Variants in THSD7B observed in about 807,000 individuals in gnomAD.
THSD7B encodes the protein thrombospondin type-1 domain-containing protein 7B.
THSD7B carries 138 observed loss-of-function variants against 213.6 expected under a neutral mutation model. That is an observed-to-expected ratio of 0.65 (90% CI 0.56 to 0.74). The LOEUF (loss-of-function observed/expected upper bound fraction) is 0.74, where lower values mean the gene tolerates loss of function less well. Among genes scored for constraint, THSD7B ranks in the 30% least tolerant of loss-of-function variants. The probability of loss-of-function intolerance (pLI) is 0.00; values close to 1 mark genes in which losing one functional copy is unlikely to be tolerated. For synonymous variants in THSD7B, 742 were observed against 687.0 expected, an observed-to-expected ratio of 1.08 and a Z score of -1.25; for missense variants, 1,931 against 1,991.5, an observed-to-expected ratio of 0.97 and a Z score of 0.58.
chr2:136,959,614 G>C (rs1215689838), intron 2 of THSD7B, among the ~76,000 whole-genome samples: 1 of 152,128 alleles, frequency 6.6e-6, no homozygotes, highest in Non-Finnish European at 1.5e-5. Context: ...TTTTTAGAAG[G>C]TTGGCTGAAC....
chr2:136,798,967 G>T (rs1003274088), intron 1 of THSD7B, among the ~76,000 whole-genome samples: 3 of 151,912 alleles, frequency 2.0e-5, no homozygotes, highest in Non-Finnish European at 4.4e-5. Context: ...TTGGCATCTT[G>T]CCCTGCTAGC....
At chr2:137,074,585 A>G (rs1687576672) in intron 3 of THSD7B, among the ~76,000 whole-genome samples, 1 of 152,138 alleles carries the variant, frequency 6.6e-6, no homozygotes, top group African/African-American at 2.4e-5. Flanking sequence ...GCCCATTTAC[A>G]TTTAAAGTTA....
At chr2:136,981,853 C>G (rs1685582580) in intron 2 of THSD7B, among the ~76,000 whole-genome samples, 1 of 152,192 alleles carries the variant, frequency 6.6e-6, no homozygotes, top group South Asian at 2.1e-4. Flanking sequence ...TCTTATCTGC[C>G]TGTGAGCTCT....
Position 136,983,373 on chromosome 2 carries a change from A to ACACACACACACACACACACACACACACAC in THSD7B, c.140-73040_140-73039insACACACACACACACACACACACCACACAC, listed in dbSNP as rs1558876348. Among the ~76,000 whole-genome samples, 4 of 149,866 alleles carry ACACACACACACACACACACACACACACAC rather than the reference A, an allele frequency of 2.7e-5. No homozygotes were observed. The East Asian group carries it at 6.1e-4, about 23-fold the overall frequency. ...CAGACACACAGACACACACACACGCACACACACTCACTCTCTCTCTCTCTG... is the reference window on the plus strand; with the variant it reads ...CAGACACACAGACACACACACACGCACACACACACACACACACACACACACACACCACACACTCACTCTCTCTCTCTCTG... On this transcript the variant is annotated intron_variant, in intron 2 of 27. Transcript: ENST00000409968.
rs892336133 is a variant in THSD7B, at chr2:137,646,544, C to T, written c.3945+3911C>T. Reference sequence around the variant, plus strand: ...GCACGTGCCTGTAATCTCAGCTACTCGTGAGGCTGAGGCAGAAGAATCACT... The same window carrying T: ...GCACGTGCCTGTAATCTCAGCTACTTGTGAGGCTGAGGCAGAAGAATCACT... On this transcript the variant is annotated intron_variant, in intron 21 of 27. Transcript: ENST00000409968. 4.0e-5 allele frequency among the ~76,000 whole-genome samples: 6 copies of T among 149,176 alleles called. 1 individual carries two copies. The highest frequency in any genetic ancestry group is 7.4e-5 in the African/African-American group (3 of 40,562).
chr2:137,392,126 G>A (rs769694010), intron 12 of THSD7B, among the ~76,000 whole-genome samples: 4 of 152,018 alleles, frequency 2.6e-5, no homozygotes, highest in East Asian at 1.9e-4. Flanking sequence ...ATATGATTTC[G>A]ATTTCTAAAA....
At chr2:137,032,999 C>T (rs1296088548) in intron 2 of THSD7B, among the ~76,000 whole-genome samples, 1 of 152,124 alleles carries the variant, frequency 6.6e-6, no homozygotes, top group Non-Finnish European at 1.5e-5. Context: ...GTTTATCTGC[C>T]TTATTAAACA....
chr2:137,552,266 C>G (rs1453542836), intron 15 of THSD7B, among the ~76,000 whole-genome samples: 1 of 151,874 alleles, frequency 6.6e-6, no homozygotes, highest in African/African-American at 2.4e-5. Flanking sequence ...AATTCTGTTT[C>G]TGGCTTTCCT....
intron 15 of THSD7B, among the ~76,000 whole-genome samples, chr2:137,481,279 A>C (rs1189049895): frequency 1.3e-5 from 2 of 152,228 alleles, no homozygotes; most frequent in Non-Finnish European, 2.9e-5. Flanking sequence ...TCTTAGTTAC[A>C]TGTCAAAACA....
chr2:137,239,889 A>T (rs1468583407), intron 9 of THSD7B, among the ~76,000 whole-genome samples: 1 of 152,184 alleles, frequency 6.6e-6, no homozygotes, highest in African/African-American at 2.4e-5. Context: ...ATTCCAGGAA[A>T]AGCCCTCTTG....
At chr2:137,434,755 T>C (rs1028587048) in intron 14 of THSD7B, among the ~76,000 whole-genome samples, 9 of 152,238 alleles carry the variant, frequency 5.9e-5, no homozygotes, top group Non-Finnish European at 1.5e-5. Flanking sequence ...TCTACGGTTA[T>C]TTTCTCCTTA....
At chr2:137,267,546 T>C (rs911044049) in intron 10 of THSD7B, among the ~76,000 whole-genome samples, 3 of 141,996 alleles carry the variant, frequency 2.1e-5, no homozygotes, top group Non-Finnish European at 4.6e-5. Flanking sequence ...CCCTTCATCA[T>C]ACTATAAAGT....
chr2:137,093,788 T>C (rs1422334502), intron 3 of THSD7B, among the ~76,000 whole-genome samples: 1 of 151,112 alleles, frequency 6.6e-6, no homozygotes, highest in African/African-American at 2.4e-5. Flanking sequence ...TACTTTAAGT[T>C]TTAGGGTACA....
At chr2:137,311,414 A>G (rs982622832) in intron 12 of THSD7B, among the ~76,000 whole-genome samples, 8 of 152,092 alleles carry the variant, frequency 5.3e-5, no homozygotes, top group African/African-American at 9.7e-5. Flanking sequence ...GACTGAGACA[A>G]TGGGGTTTTC....
At chr2:136,805,134 T>C (rs911249339) in intron 1 of THSD7B, among the ~76,000 whole-genome samples, 1 of 152,242 alleles carries the variant, frequency 6.6e-6, no homozygotes, top group African/African-American at 2.4e-5. Flanking sequence ...ACAGTTCTTA[T>C]TTTTATTGCA....
At chr2:137,180,747 G>T (rs1680438259) in intron 7 of THSD7B, among the ~76,000 whole-genome samples, 1 of 152,146 alleles carries the variant, frequency 6.6e-6, no homozygotes, top group Non-Finnish European at 1.5e-5. Flanking sequence ...TGCTTATTCT[G>T]CTTTATGAAT....
At chr2:137,358,657 A>G (rs79461852) in intron 12 of THSD7B, among the ~76,000 whole-genome samples, 4,381 of 152,254 alleles carry the variant, frequency 0.029, 221 homozygotes, top group African/African-American at 0.1. Flanking sequence ...GTCTATTTTT[A>G]GAGGTTCCAG....
intron 7 of THSD7B, among the ~76,000 whole-genome samples, chr2:137,204,220 GA>G (rs1265804715): frequency 6.6e-6 from 1 of 151,958 alleles, no homozygotes; most frequent in East Asian, 1.9e-4. Context: ...TTATTTAAAG[GA>G]AAATAAGGAT....
intron 1 of THSD7B, among the ~76,000 whole-genome samples, chr2:136,796,107 AT>A (rs913761965): frequency 1.2e-3 from 168 of 144,692 alleles, no homozygotes; most frequent in Middle Eastern, 3.6e-3. Flanking sequence ...CTGCTTTTTG[AT>A]TTTTTTTTTT....
Sources: gnomAD v4.1 joint callset for allele counts (sites outside exome capture counted in the v4.1 genomes callset) on GRCh38, gnomAD v4.1.1 for gene constraint, MANE v1.5 for transcripts, NCBI Gene and HGNC (gene_info 2026-07-23, HGNC 2026-07-21) for gene names.